The following HPSE2 variants were observed in gnomAD, a reference collection of about 807,000 sequenced individuals.
The protein encoded by HPSE2 is heparanase 2 (inactive).
A neutral mutation model predicts 60.5 loss-of-function variants in HPSE2; 38 were observed. The ratio of observed to expected loss-of-function variants is 0.63; its 90% confidence interval spans 0.48 to 0.82. The LOEUF (loss-of-function observed/expected upper bound fraction) is 0.82, where lower values mean the gene tolerates loss of function less well. Ranked by LOEUF, HPSE2 falls within the 40% of genes least tolerant of loss-of-function variation. The pLI, the probability that HPSE2 is intolerant of heterozygous loss-of-function variation, is 0.00. For synonymous variants in HPSE2, 295 were observed against 293.2 expected, an observed-to-expected ratio of 1.01 and a Z score of -0.06; for missense variants, 713 against 740.4, an observed-to-expected ratio of 0.96 and a Z score of 0.43.
chr10:98,739,760 G>A (rs1949449863), intron 4 of HPSE2, among the ~76,000 whole-genome samples: 1 of 152,130 alleles, frequency 6.6e-6, no homozygotes, highest in African/African-American at 2.4e-5. Flanking sequence ...AATTATAGTA[G>A]CTTTTACTTG....
chr10:98,512,264 AT>A, intron 9 of HPSE2, among the ~76,000 whole-genome samples: 1 of 152,236 alleles, frequency 6.6e-6, no homozygotes, highest in Admixed American at 6.5e-5. Context: ...CCTCCAATCC[AT>A]TTTTTGGCTA....
chr10:99,180,084 TCCTTATA>T (rs1202561455), intron 2 of HPSE2, among the ~76,000 whole-genome samples: 1 of 152,108 alleles, frequency 6.6e-6, no homozygotes, highest in Non-Finnish European at 1.5e-5. Flanking sequence ...CTGGACCCCT[TCCTTATA>T]CCTTATACAA....
chr10:98,735,741 A>G (rs1213305407), intron 4 of HPSE2, among the ~76,000 whole-genome samples: 1 of 152,148 alleles, frequency 6.6e-6, no homozygotes, highest in African/African-American at 2.4e-5. Context: ...TCAGACTTGC[A>G]TGTGGCCATT....
At chr10:99,285,722 C>T in the HPSE2 span, among the ~76,000 whole-genome samples, 1 of 151,932 alleles carries the variant, frequency 6.6e-6, no homozygotes, top group Non-Finnish European at 1.5e-5. Flanking sequence ...GCCAGGAGTT[C>T]AAGATCAGCC....
chr10:99,066,343 T>G (rs1056785456), intron 3 of HPSE2, among the ~76,000 whole-genome samples: 2 of 152,170 alleles, frequency 1.3e-5, no homozygotes, highest in African/African-American at 4.8e-5. Context: ...GTGACCTAAG[T>G]TTCTACCTTA....
chr10:98,631,870 A>G (rs191896213), intron 7 of HPSE2, among the ~76,000 whole-genome samples: 43 of 152,288 alleles, frequency 2.8e-4, no homozygotes, highest in Non-Finnish European at 1.5e-4. Context: ...TCATTCATTC[A>G]TTCAACCCTT....
At chr10:98,518,067 A>G (rs1465711071) in intron 9 of HPSE2, among the ~76,000 whole-genome samples, 1 of 152,206 alleles carries the variant, frequency 6.6e-6, no homozygotes, top group Non-Finnish European at 1.5e-5. Context: ...AAGAGGTAAC[A>G]CTGGGTGAGA....
At chr10:99,239,699 G>C (rs919199556), upstream of HPSE2, among the ~76,000 whole-genome samples, 3 of 151,464 alleles carry the variant, frequency 2.0e-5, no homozygotes, top group African/African-American at 7.3e-5. Flanking sequence ...CAAAGTGATG[G>C]AATTACAGGC....
intron 3 of HPSE2, among the ~76,000 whole-genome samples, chr10:98,946,399 C>T (rs1341261302): frequency 6.7e-6 from 1 of 149,926 alleles, no homozygotes; most frequent in Non-Finnish European, 1.5e-5. Context: ...TTTCAGCCCA[C>T]GAGTTTTAGA....
At chr10:99,023,119 C>G (rs1418652600) in intron 3 of HPSE2, among the ~76,000 whole-genome samples, 3 of 152,048 alleles carry the variant, frequency 2.0e-5, no homozygotes, top group Non-Finnish European at 4.4e-5. Flanking sequence ...GAAACTAATG[C>G]CCTGAAGGGT....
intron 3 of HPSE2, among the ~76,000 whole-genome samples, chr10:98,992,821 C>T (rs1383572934): frequency 3.3e-5 from 5 of 152,160 alleles, no homozygotes; most frequent in Admixed American, 1.3e-4. Context: ...TGGCCAGAAG[C>T]ACAGGGTTTG....
chr10:98,628,423 C>A (rs1048596559), intron 7 of HPSE2, among the ~76,000 whole-genome samples: 1 of 152,098 alleles, frequency 6.6e-6, no homozygotes, highest in East Asian at 1.9e-4. Flanking sequence ...CATGATTCTC[C>A]CTGTGCTAGA....
chr10:99,043,095 G>A (rs558220826), intron 3 of HPSE2, among the ~76,000 whole-genome samples: 25 of 152,206 alleles, frequency 1.6e-4, no homozygotes, highest in Admixed American at 3.3e-4. Context: ...CCGACCCTCC[G>A]AAATAAGAAA....
intron 3 of HPSE2, among the ~76,000 whole-genome samples, chr10:99,052,556 T>C (rs1958014549): frequency 6.6e-6 from 1 of 152,072 alleles, no homozygotes; most frequent in Non-Finnish European, 1.5e-5. Flanking sequence ...CATTGACTTT[T>C]AGATCCAAGA....
chr10:98,855,257 A>C (rs1004697753), intron 3 of HPSE2, among the ~76,000 whole-genome samples: 1 of 152,148 alleles, frequency 6.6e-6, no homozygotes, highest in Non-Finnish European at 1.5e-5. Context: ...CACACAAAAG[A>C]GTTTTGCATT....
chr10:98,721,738 G>A lies in HPSE2; in HGVS notation c.875C>T (p.Pro292Leu), dbSNP rs780717589. The A allele has an allele frequency of 6.8e-6, 11 of 1,613,490 alleles. No individual in the cohort carries two copies. The South Asian group carries it at 1.2e-4, about 18-fold the overall frequency. Reference protein sequence around the residue: ...DYIQLKSLLQPIRIYSRASLY... With the variant: ...DYIQLKSLLQLIRIYSRASLY... ...GCTGGCTCTGGAATAAATCCGGATG[G>A]GCTGCAACAGGCTCTTCAGCTGGAT... is the stretch of plus-strand genomic sequence containing the variant. Residue 292 changes from proline to leucine, a missense_variant, in exon 5 of 12, where the codon CCC (proline) becomes CTC (leucine). Physicochemically the swap from Pro to Leu is moderately conservative, Grantham distance 98. Transcript: ENST00000370552.
chr10:99,019,972 A>G lies in HPSE2; in HGVS notation c.610+124266T>C, dbSNP rs189648808. Among the ~76,000 whole-genome samples, 1,174 of 152,178 alleles carry G rather than the reference A, an allele frequency of 7.7e-3. 15 individuals are homozygous for G. Among genetic ancestry groups the G allele is most frequent in the African/African-American group, 0.026 (1,098 of 41,510 alleles). The stretch of plus-strand genomic sequence containing the variant: ...AGTCATCTGCCCACCTCAGCCTCCC[A>G]AAGTGCTGGGATTACAGGTGTGAGC... On this transcript the variant is annotated intron_variant, in intron 3 of 11. Coordinates refer to ENST00000370552, the MANE Select transcript of HPSE2 (RefSeq NM_021828.5).
At chr10:99,297,110 G>T in the HPSE2 span, among the ~76,000 whole-genome samples, 231 of 152,340 alleles carry the variant, frequency 1.5e-3, no homozygotes, top group African/African-American at 5.3e-3. Context: ...ACTACCTCGT[G>T]TAGGGCCTGC....
intron 9 of HPSE2, among the ~76,000 whole-genome samples, chr10:98,526,093 C>T (rs1942958203): frequency 6.6e-6 from 1 of 152,150 alleles, no homozygotes; most frequent in African/African-American, 2.4e-5. Context: ...GCCTCAGAAG[C>T]CACAGTTTCT....
Sources: gnomAD v4.1 joint callset for allele counts (sites outside exome capture counted in the v4.1 genomes callset) on GRCh38, gnomAD v4.1.1 for gene constraint, MANE v1.5 for transcripts, NCBI Gene and HGNC (gene_info 2026-07-23, HGNC 2026-07-21) for gene names.